The following DNAJC13 variants were observed in gnomAD, a reference collection of about 807,000 sequenced individuals.
The protein encoded by DNAJC13 is dnaJ homolog subfamily C member 13.
DNAJC13 carries 75 observed loss-of-function variants against 290.5 expected under a neutral mutation model. The ratio of observed to expected loss-of-function variants is 0.26; its 90% CI spans 0.21 to 0.31. DNAJC13 has a LOEUF of 0.31. Among genes scored for constraint, DNAJC13 ranks in the 10% least tolerant of loss-of-function variants. DNAJC13 has a pLI of 1.00. For synonymous variants in DNAJC13, 862 were observed against 892.0 expected (o/e 0.97, Z 0.60); for missense variants, 2,260 against 2,674.5 (o/e 0.85, Z 3.42).
At chr3:132,493,899 C>T (rs1935145240) in intron 33 of DNAJC13, among the ~76,000 whole-genome samples, 1 of 151,930 alleles carries the variant, frequency 6.6e-6, no homozygotes, top group South Asian at 2.1e-4. Flanking sequence ...TAATACATAA[C>T]ACAGATTGGC....
chr3:132,477,044 C>T (rs1576485568), intron 22 of DNAJC13, among the ~76,000 whole-genome samples: 1 of 152,248 alleles, frequency 6.6e-6, no homozygotes, highest in Non-Finnish European at 1.5e-5. Flanking sequence ...GCTGCGTCTC[C>T]AGTGCCTGGA....
intron 53 of DNAJC13, 63 bp downstream of exon 53, chr3:132,526,344 C>T (rs1936256826): frequency 2.5e-6 from 4 of 1,590,216 alleles, no homozygotes; most frequent in South Asian, 1.1e-5. Flanking sequence ...AGATTTTTAC[C>T]TATTTGGTAC....
At chr3:132,467,745 G>A (rs1470256037) in intron 20 of DNAJC13, among the ~76,000 whole-genome samples, 2 of 152,122 alleles carry the variant, frequency 1.3e-5, no homozygotes, top group Non-Finnish European at 1.5e-5. Flanking sequence ...GATTACAGGC[G>A]TGAGCCACCG....
intron 50 of DNAJC13, 65 bp downstream of exon 50, chr3:132,523,264 G>C (rs1332751779): frequency 1.3e-5 from 20 of 1,568,644 alleles, no homozygotes; most frequent in Non-Finnish European, 1.7e-5. Flanking sequence ...TTTCTACTGA[G>C]TCAGTTTAAT....
chr3:132,504,144 T>C (rs1194876367), intron 41 of DNAJC13, among the ~76,000 whole-genome samples: 2 of 152,140 alleles, frequency 1.3e-5, no homozygotes, highest in African/African-American at 2.4e-5. Context: ...TCGCTAAGGA[T>C]GAACTGTGAC....
chr3:132,460,394 C>A, intron 14 of DNAJC13, 37 bp downstream of exon 14: 1 of 1,382,716 alleles, frequency 7.2e-7, no homozygotes, highest in South Asian at 1.2e-5. Flanking sequence ...TGGTAGATAC[C>A]ATACCATTAT....
At chr3:132,476,647 C>T (rs1442197570) in intron 22 of DNAJC13, among the ~76,000 whole-genome samples, 2 of 152,170 alleles carry the variant, frequency 1.3e-5, no homozygotes, top group Non-Finnish European at 2.9e-5. Flanking sequence ...TTTCTTTTAT[C>T]TCATATCCTA....
chr3:132,527,816 T>A (rs1182986442), intron 53 of DNAJC13, among the ~76,000 whole-genome samples: 1 of 152,162 alleles, frequency 6.6e-6, no homozygotes, highest in Non-Finnish European at 1.5e-5. Context: ...ACTAATGTAT[T>A]TCAGAGATTG....
At chr3:132,493,535 C>T (rs1486671489) in intron 33 of DNAJC13, among the ~76,000 whole-genome samples, 2 of 151,914 alleles carry the variant, frequency 1.3e-5, no homozygotes, top group African/African-American at 2.4e-5. Flanking sequence ...ATTTATTGAT[C>T]AAATTTTAGA....
chr3:132,418,206 T>A (rs1245389037), intron 1 of DNAJC13, among the ~76,000 whole-genome samples: 1 of 152,172 alleles, frequency 6.6e-6, no homozygotes, highest in Admixed American at 6.5e-5. Context: ...TGACTTTCTT[T>A]GCTTTGTTTC....
intron 1 of DNAJC13, among the ~76,000 whole-genome samples, chr3:132,428,197 T>A (rs1352059707): frequency 2.0e-5 from 3 of 152,212 alleles, no homozygotes; most frequent in Non-Finnish European, 2.9e-5. Context: ...GAATGATACA[T>A]AGTTGGTACA....
chr3:132,488,394 A>T lies in DNAJC13; in HGVS notation c.3364A>T (p.Ser1122Cys). 1 of 1,613,608 alleles carries T rather than the reference A, an allele frequency of 6.2e-7. No homozygotes were observed. The highest frequency in any genetic ancestry group is 2.2e-5 in the East Asian group (1 of 44,830). Residue 1122 changes from serine (S) to cysteine (C), a missense_variant, in exon 30 of 56, where the codon AGT becomes TGT. Coordinates refer to ENST00000260818, the MANE Select transcript of DNAJC13 (RefSeq NM_015268.4). ...CCCACAGTTACCCCGCCTTTATCTG[A>T]GTGGAGTATTTTTCTTTATCATGAT... The part of the protein sequence containing the change: ...DNPQLPRLYL[S>C]GVFFFIMMYT...
At chr3:132,482,362 TCTCAGCATTTCTTATGCCC>T in intron 27 of DNAJC13, 32 bp downstream of exon 27, 2 of 1,550,798 alleles carry the variant, frequency 1.3e-6, no homozygotes, top group African/African-American at 2.7e-5. Context: ...TTGGTGAAGG[TCTCAGCATTTCTTATGCCC>T]TCCTGCTTAG....
intron 21 of DNAJC13, among the ~76,000 whole-genome samples, chr3:132,473,993 C>T (rs183418719): frequency 8.7e-4 from 133 of 152,224 alleles, no homozygotes; most frequent in African/African-American, 2.8e-3. Flanking sequence ...ATATGTGAAA[C>T]CCATTCATCC....
At chr3:132,438,663 T>A (rs1271704767) in intron 2 of DNAJC13, among the ~76,000 whole-genome samples, 1 of 152,230 alleles carries the variant, frequency 6.6e-6, no homozygotes, top group Admixed American at 6.5e-5. Context: ...CCTGTCCAGG[T>A]ATTCCCCTTG....
chr3:132,474,033 A>G (rs1559885765), intron 21 of DNAJC13, among the ~76,000 whole-genome samples: 1 of 152,182 alleles, frequency 6.6e-6, no homozygotes, highest in Non-Finnish European at 1.5e-5. Flanking sequence ...AATGTTTTAC[A>G]ATAATTACTC....
Position 132,502,232 on chromosome 3 carries a change from C to CT in DNAJC13, c.4537-41dup, listed in dbSNP as rs11293788. On this transcript the variant is annotated intron_variant, in intron 39 of 55. Coordinates refer to ENST00000260818, the MANE Select transcript of DNAJC13 (RefSeq NM_015268.4). ...ATGCACAACCAGTTCCTCTTGGGAG[C>CT]TTTTTTTTTTTTTTTTAACTCTGTA... 6.8e-3 allele frequency: 8,094 copies of CT among 1,187,382 alleles called. 302 individuals are homozygous for CT. The African/African-American group carries it at 0.11, about 16-fold the overall frequency. 73.6% of individuals were successfully genotyped at this position (1,187,382 alleles called of 1,614,324 possible). A position where few individuals can be genotyped will look rare whatever the true frequency, so the allele number is the denominator to read the frequency against.
chr3:132,440,901 C>T (rs1024531756), intron 2 of DNAJC13, among the ~76,000 whole-genome samples: 2 of 152,154 alleles, frequency 1.3e-5, no homozygotes, highest in African/African-American at 2.4e-5. Context: ...CAATGTGGCT[C>T]GAGTTGGTGT....
intron 34 of DNAJC13, among the ~76,000 whole-genome samples, 198 bp downstream of exon 34, chr3:132,494,457 C>G (rs964084736): frequency 6.6e-6 from 1 of 152,222 alleles, no homozygotes; most frequent in Non-Finnish European, 1.5e-5. Context: ...GTATCCTCCT[C>G]TTCTTGCTGG....
Sources: allele counts gnomAD v4.1 joint callset (sites outside exome capture counted in the v4.1 genomes callset), GRCh38; gene constraint gnomAD v4.1.1; transcripts MANE v1.5; gene names NCBI Gene and HGNC (gene_info 2026-07-23, HGNC 2026-07-21).